The following KEL variants were observed in gnomAD, a reference collection of about 807,000 sequenced individuals.
KEL encodes the protein kell blood group glycoprotein.
Under a neutral mutation model 99.5 loss-of-function variants are expected in KEL, and 96 were observed. That is an observed-to-expected ratio of 0.97 (90% CI 0.82 to 1.14). The LOEUF is 1.14. KEL is among the 50% of genes most tolerant of loss of function. The pLI, the probability that KEL is intolerant of heterozygous loss-of-function variation, is 0.00. For synonymous variants in KEL, 355 were observed against 354.8 expected, an observed-to-expected ratio of 1.00 and a Z score of -0.01; for missense variants, 926 against 924.2, an observed-to-expected ratio of 1.00 and a Z score of -0.03.
chr7:142,954,160 C>T (rs760201911), intron 8 of KEL, 24 bp downstream of exon 8: 1 of 1,603,960 alleles, frequency 6.2e-7, no homozygotes, highest in Non-Finnish European at 8.5e-7. Flanking sequence ...TGCCCACAGT[C>T]TTCTGGCCCC....
chr7:142,954,559 G>A (rs769092749), intron 6 of KEL, 32 bp from the exon 7 acceptor site: 81 of 1,606,060 alleles, frequency 5.0e-5, no homozygotes, highest in Non-Finnish European at 6.7e-5. Flanking sequence ...GAGAAGCAGG[G>A]AGCATGGCGG....
chr7:142,954,642 G>A, intron 6 of KEL, 115 bp from the exon 7 acceptor site: 1 of 896,062 alleles, frequency 1.1e-6, no homozygotes, highest in Non-Finnish European at 1.9e-6. Flanking sequence ...CACAAAGATT[G>A]GACAGAAGAG....
At chr7:142,950,312 C>T (rs1796649893) in intron 10 of KEL, among the ~76,000 whole-genome samples, 1 of 152,170 alleles carries the variant, frequency 6.6e-6, no homozygotes, top group Admixed American at 6.5e-5. Flanking sequence ...CACTATTGTC[C>T]TAGTCACTCT....
At chr7:142,946,122 A>T in intron 11 of KEL, 85 bp downstream of exon 11, 1 of 971,328 alleles carries the variant, frequency 1.0e-6, no homozygotes, top group Non-Finnish European at 1.6e-6. Flanking sequence ...CACACCACTG[A>T]GAAAGTCAAA....
intron 10 of KEL, among the ~76,000 whole-genome samples, chr7:142,951,159 G>C (rs1032596843): frequency 6.6e-6 from 1 of 152,164 alleles, no homozygotes; most frequent in Non-Finnish European, 1.5e-5. Context: ...TAAGCCCAAG[G>C]ACAATTATGT....
At position 142,943,045 on chromosome 7, in the gene KEL, C is replaced by G; in HGVS notation, c.1772-1G>C. ...CAGGCGAGGCAGCCCCCAGGCAGTA[C>G]TGTTGAAAATGGGACAAGAGAACAT... On this transcript the variant is annotated splice_acceptor_variant, in intron 16 of 18. Coordinates refer to ENST00000355265, the MANE Select transcript of KEL (RefSeq NM_000420.3). LOFTEE classifies it high-confidence loss of function. 1 of 1,613,958 alleles carries G rather than the reference C, an allele frequency of 6.2e-7. No individual in the cohort carries two copies. Among genetic ancestry groups the G allele is most frequent in the Non-Finnish European group, 8.5e-7 (1 of 1,180,008 alleles).
At position 142,941,468 on chromosome 7, in the gene KEL, C is replaced by T. The variant is rs533901287; in HGVS notation, c.2038-55G>A. ...GAGGGTCCACAGGACAAAGCTGACC[C>T]GGTGACAAGGGGTGATCAGGGACAG... On this transcript the variant is annotated intron_variant, in intron 18 of 18. Transcript: ENST00000355265. The T allele has an allele frequency of 7.0e-4, 1,049 of 1,506,326 alleles. No homozygotes were observed. Among genetic ancestry groups the T allele is most frequent in the Non-Finnish European group, 8.7e-4 (979 of 1,120,550 alleles). 93.3% of individuals were successfully genotyped at this position (1,506,326 alleles called of 1,614,324 possible). A position where few individuals can be genotyped will look rare whatever the true frequency, so the allele number is the denominator to read the frequency against.
intron 4 of KEL, among the ~76,000 whole-genome samples, chr7:142,960,681 A>G (rs1197040996): frequency 6.6e-6 from 1 of 152,178 alleles, no homozygotes; most frequent in East Asian, 1.9e-4. Flanking sequence ...AAAGGGACCA[A>G]GAGAAACGGA....
intron 9 of KEL, chr7:142,953,260 A>G (rs571790668): frequency 4.0e-6 from 3 of 748,814 alleles, no homozygotes; most frequent in Middle Eastern, 6.7e-4. Context: ...CACCCCCTTG[A>G]TTTCCTGACA....
Position 142,942,878 on chromosome 7 carries a change from C to T in KEL, c.1938G>A (p.Leu646=). ...GTGGCCCTTGACACTTGCATACCTG[C>T]AGCGCGATGGCTAGCCCCCCAACGT... The part of the protein sequence containing the change: ...AADVGGLAIA[L]QAYSKRLLRH... Residue 646 remains leucine (L), a synonymous_variant, in exon 17 of 19, where the codon CTG becomes CTA. Transcript: ENST00000355265. 2 of 1,614,182 alleles carry T rather than the reference C, an allele frequency of 1.2e-6. No individual in the cohort carries two copies. The highest frequency in any genetic ancestry group is 2.2e-5 in the South Asian group (2 of 91,088).
chr7:142,952,196 A>G (rs1796702513), intron 10 of KEL, among the ~76,000 whole-genome samples: 2 of 152,204 alleles, frequency 1.3e-5, no homozygotes, highest in Non-Finnish European at 2.9e-5. Context: ...CTGAGCAAAT[A>G]GTGTAAGCAT....
rs999516505 is a variant in KEL, at chr7:142,958,043, C to G, written c.526-70G>C. Reference sequence around the variant, plus strand: ...CCATCCCCCATTGTCTGGATCGGCTCTTACACAGCTGCTACTGCCTGACCT... The same window carrying G: ...CCATCCCCCATTGTCTGGATCGGCTGTTACACAGCTGCTACTGCCTGACCT... On this transcript the variant is annotated intron_variant, in intron 5 of 18. Coordinates refer to ENST00000355265, the MANE Select transcript of KEL (RefSeq NM_000420.3). The G allele has an allele frequency of 1.2e-5, 19 of 1,559,868 alleles. No homozygotes were observed. In the African/African-American group the frequency reaches 2.5e-4, roughly 20 times the overall value.
Position 142,941,644 on chromosome 7 carries a change from T to A in KEL, c.2038-231A>T, listed in dbSNP as rs150250840. On this transcript the variant is annotated intron_variant, in intron 18 of 18. Transcript: ENST00000355265. ...TTATCAATGACAGAGAGGCAGGGTC[T>A]AGCGCAGGAGCTCTGGGGTGAAGTC... is the stretch of plus-strand genomic sequence containing the variant. 9.7e-4 allele frequency among the ~76,000 whole-genome samples: 148 copies of A among 152,254 alleles called. 1 individual carries two copies. Among genetic ancestry groups the A allele is most frequent in the African/African-American group, 3.4e-3 (142 of 41,554 alleles).
intron 4 of KEL, among the ~76,000 whole-genome samples, chr7:142,959,805 T>C (rs1163145422): frequency 6.6e-6 from 1 of 152,220 alleles, no homozygotes; most frequent in Non-Finnish European, 1.5e-5. Context: ...ATCCTGAGCA[T>C]ATTTTTTCTT....
At position 142,962,195 on chromosome 7, in the gene KEL, G is replaced by GTCTATCCAAAA; in HGVS notation, c.3+8_3+9insTTTTGGATAGA. 1 of 1,614,082 alleles carries GTCTATCCAAAA rather than the reference G, an allele frequency of 6.2e-7. No individual in the cohort carries two copies. The highest frequency in any genetic ancestry group is 8.5e-7 in the Non-Finnish European group (1 of 1,179,990). ...CCCGCTAAGCCTCTGACTCCAAAAG[G>GTCTATCCAAAA]GGACTTACCATCTGTCTATCTTCTG... On this transcript the variant is annotated intron_variant, in intron 1 of 18. Transcript: ENST00000355265.
chr7:142,945,209 C>T (rs977840908), intron 11 of KEL, among the ~76,000 whole-genome samples: 4 of 152,236 alleles, frequency 2.6e-5, no homozygotes, highest in Non-Finnish European at 5.9e-5. Context: ...CCTGCCTTCA[C>T]AACGTGAGTG....
intron 6 of KEL, among the ~76,000 whole-genome samples, chr7:142,957,156 G>A (rs561592005): frequency 2.6e-5 from 4 of 152,298 alleles, no homozygotes; most frequent in East Asian, 1.9e-4. Context: ...CTAGGGTGTC[G>A]GTGAAGACTT....
chr7:142,955,375 T>TA (rs996263496), intron 6 of KEL, among the ~76,000 whole-genome samples: 9 of 152,116 alleles, frequency 5.9e-5, no homozygotes, highest in Non-Finnish European at 2.9e-5. Context: ...TCATTTTGAA[T>TA]AAAAAAATTA....
chr7:142,961,696 A>G, intron 2 of KEL, 99 bp downstream of exon 2: 2 of 1,285,904 alleles, frequency 1.6e-6, no homozygotes. Flanking sequence ...GTTTTGGGTG[A>G]GGATGAAGCA....
Sources: allele counts gnomAD v4.1 joint callset (sites outside exome capture counted in the v4.1 genomes callset), GRCh38; gene constraint gnomAD v4.1.1; transcripts MANE v1.5; gene names NCBI Gene and HGNC (gene_info 2026-07-23, HGNC 2026-07-21).